The following CHST11 variants were observed in gnomAD, a reference collection of about 807,000 sequenced individuals.
CHST11 encodes the protein carbohydrate sulfotransferase 11, also known as C4S-1.
Under a neutral mutation model 30.4 loss-of-function variants are expected in CHST11, and 9 were observed. The observed-to-expected ratio is 0.30, with a 90% CI of 0.18 to 0.52. The LOEUF (loss-of-function observed/expected upper bound fraction) is 0.52. Ranked by LOEUF, CHST11 falls within the 20% of genes least tolerant of loss-of-function variation. The pLI is 0.97. For synonymous variants in CHST11, 152 were observed against 187.8 expected, an observed-to-expected ratio of 0.81 and a Z score of 1.56; for missense variants, 348 against 460.6, an observed-to-expected ratio of 0.76 and a Z score of 2.24.
At chr12:104,585,202 G>A (rs2038791250) in intron 1 of CHST11, among the ~76,000 whole-genome samples, 1 of 152,160 alleles carries the variant, frequency 6.6e-6, no homozygotes. Flanking sequence ...GATGCTCACA[G>A]TACTTGTTCA....
intron 2 of CHST11, among the ~76,000 whole-genome samples, chr12:104,691,679 G>A (rs1160579850): frequency 6.6e-6 from 1 of 151,934 alleles, no homozygotes; most frequent in African/African-American, 2.4e-5. Flanking sequence ...TCATACAGTT[G>A]GGGTTTCACC....
intron 1 of CHST11, among the ~76,000 whole-genome samples, chr12:104,526,961 G>A (rs2135991957): frequency 6.6e-6 from 1 of 152,272 alleles, no homozygotes; most frequent in Non-Finnish European, 1.5e-5. Flanking sequence ...TCAGCGGCCT[G>A]ACTGCCTCTA....
At chr12:104,656,555 C>T (rs558484203) in intron 2 of CHST11, among the ~76,000 whole-genome samples, 1 of 152,310 alleles carries the variant, frequency 6.6e-6, no homozygotes, top group East Asian at 1.9e-4. Context: ...CAGAGCTCAG[C>T]GTGCATGCGG....
At chr12:104,606,860 G>A (rs1257300787) in intron 2 of CHST11, among the ~76,000 whole-genome samples, 1 of 152,108 alleles carries the variant, frequency 6.6e-6, no homozygotes, top group Admixed American at 6.5e-5. Context: ...CTGAGATCAG[G>A]AGTTCTAAAC....
chr12:104,597,251 G>A (rs1365289085), intron 1 of CHST11, among the ~76,000 whole-genome samples: 1 of 152,146 alleles, frequency 6.6e-6, no homozygotes, highest in Non-Finnish European at 1.5e-5. Flanking sequence ...ATATAGAACT[G>A]TTCCTGGGTC....
At chr12:104,483,715 C>T (rs139193963) in intron 1 of CHST11, among the ~76,000 whole-genome samples, 1 of 152,310 alleles carries the variant, frequency 6.6e-6, no homozygotes, top group East Asian at 1.9e-4. Context: ...CAGTATTCTG[C>T]TCCACAAGCT....
intron 2 of CHST11, among the ~76,000 whole-genome samples, chr12:104,605,471 C>T (rs932751204): frequency 1.3e-5 from 2 of 152,164 alleles, no homozygotes; most frequent in East Asian, 1.9e-4. Flanking sequence ...CCCAGCTTCT[C>T]CGGAGGCTGA....
At chr12:104,667,960 A>G (rs561775923) in intron 2 of CHST11, among the ~76,000 whole-genome samples, 2 of 152,294 alleles carry the variant, frequency 1.3e-5, no homozygotes, top group South Asian at 4.1e-4. Flanking sequence ...GATTGAAACC[A>G]CTAATTCTAA....
intron 1 of CHST11, among the ~76,000 whole-genome samples, chr12:104,535,471 T>G (rs1005098277): frequency 3.3e-5 from 5 of 152,206 alleles, no homozygotes; most frequent in Non-Finnish European, 7.3e-5. Context: ...ATGAGGTTCT[T>G]AGACCTCAGG....
At chr12:104,657,903 C>G (rs771349005) in intron 2 of CHST11, among the ~76,000 whole-genome samples, 18 of 152,092 alleles carry the variant, frequency 1.2e-4, no homozygotes, top group Non-Finnish European at 2.5e-4. Context: ...AGCCTGGACC[C>G]GAATAAAGAC....
intron 1 of CHST11, among the ~76,000 whole-genome samples, chr12:104,579,482 G>A (rs185417997): frequency 2.7e-3 from 404 of 152,232 alleles, no homozygotes; most frequent in South Asian, 0.01. Context: ...TTAAAATGAG[G>A]GACACTGAAG....
At chr12:104,674,471 A>G (rs1351677249) in intron 2 of CHST11, among the ~76,000 whole-genome samples, 1 of 152,142 alleles carries the variant, frequency 6.6e-6, no homozygotes, top group Non-Finnish European at 1.5e-5. Flanking sequence ...AGAAACAAAA[A>G]GTGTTCAGTA....
intron 2 of CHST11, among the ~76,000 whole-genome samples, chr12:104,641,875 G>A (rs2039380139): frequency 6.6e-6 from 1 of 152,104 alleles, no homozygotes; most frequent in Admixed American, 6.5e-5. Flanking sequence ...GCACTTCTAG[G>A]AGTTTATCCT....
chr12:104,648,473 A>G (rs2039457952), intron 2 of CHST11, among the ~76,000 whole-genome samples: 1 of 152,222 alleles, frequency 6.6e-6, no homozygotes, highest in Admixed American at 6.5e-5. Flanking sequence ...GGCAGGAAAC[A>G]AAAATCAACT....
chr12:104,484,589 T>C (rs2037658334), intron 1 of CHST11, among the ~76,000 whole-genome samples: 1 of 152,216 alleles, frequency 6.6e-6, no homozygotes, highest in Non-Finnish European at 1.5e-5. Flanking sequence ...GGTCTACATT[T>C]AATGAACTAA....
At chr12:104,653,602 A>G (rs2039515052) in intron 2 of CHST11, among the ~76,000 whole-genome samples, 1 of 152,080 alleles carries the variant, frequency 6.6e-6, no homozygotes, top group Non-Finnish European at 1.5e-5. Flanking sequence ...CATCATAGCC[A>G]CCCCATAATA....
intron 1 of CHST11, among the ~76,000 whole-genome samples, chr12:104,497,909 C>CTTTTT (rs1205174607): frequency 0.016 from 1,226 of 75,738 alleles, 27 homozygotes; most frequent in East Asian, 0.03. Context: ...CCTGCCCCCT[C>CTTTTT]TTTTTTTTTT....
intron 2 of CHST11, among the ~76,000 whole-genome samples, chr12:104,714,934 C>G (rs1163178790): frequency 6.6e-6 from 1 of 152,150 alleles, no homozygotes; most frequent in African/African-American, 2.4e-5. Flanking sequence ...GATCCAGACC[C>G]GAAGCAAGCT....
At chr12:104,470,652 C>T (rs1026286180) in intron 1 of CHST11, among the ~76,000 whole-genome samples, 1 of 152,212 alleles carries the variant, frequency 6.6e-6, no homozygotes, top group Non-Finnish European at 1.5e-5. Flanking sequence ...AACAGTATGT[C>T]AGCTGCTGTA....
Sources: allele counts gnomAD v4.1 joint callset (sites outside exome capture counted in the v4.1 genomes callset), GRCh38; gene constraint gnomAD v4.1.1; transcripts MANE v1.5; gene names NCBI Gene and HGNC (gene_info 2026-07-23, HGNC 2026-07-21).